The following TMCO4 variants were observed in gnomAD, a reference collection of about 807,000 sequenced individuals.
TMCO4 encodes transmembrane and coiled-coil domains 4, also known as transmembrane and coiled-coil domain-containing protein 4.
A neutral mutation model predicts 64.7 loss-of-function variants in TMCO4; 58 were observed. The ratio of observed to expected loss-of-function variants is 0.90; its 90% CI spans 0.73 to 1.12. TMCO4 has a LOEUF of 1.12. Among genes scored for constraint, TMCO4 ranks in the 50% most tolerant of loss-of-function variants. TMCO4 has a pLI of 0.00. For synonymous variants in TMCO4, 325 were observed against 346.1 expected (o/e 0.94, Z 0.68); for missense variants, 780 against 825.9 (o/e 0.94, Z 0.68).
At chr1:19,778,861 C>A (rs2043330207) in intron 4 of TMCO4, among the ~76,000 whole-genome samples, 1 of 152,114 alleles carries the variant, frequency 6.6e-6, no homozygotes. Flanking sequence ...CAAGGTAGCC[C>A]CTGCCCTCCC....
chr1:19,794,652 T>C (rs181283314), intron 2 of TMCO4, among the ~76,000 whole-genome samples: 1 of 152,300 alleles, frequency 6.6e-6, no homozygotes, highest in East Asian at 1.9e-4. Context: ...TCTGGGTATA[T>C]ATGCAAAATA....
intron 13 of TMCO4, among the ~76,000 whole-genome samples, chr1:19,704,273 G>GA (rs2095290640): frequency 1.3e-5 from 2 of 152,222 alleles, no homozygotes; most frequent in African/African-American, 4.8e-5. Flanking sequence ...GAATAGCAAG[G>GA]ATGGCTCAGA....
chr1:19,796,780 G>C (rs750602490), intron 2 of TMCO4, among the ~76,000 whole-genome samples: 1 of 152,068 alleles, frequency 6.6e-6, no homozygotes, highest in Non-Finnish European at 1.5e-5. Context: ...TCACCATGTT[G>C]GCCAGGATGG....
At chr1:19,788,182 A>G (rs920373876) in intron 2 of TMCO4, among the ~76,000 whole-genome samples, 2 of 152,214 alleles carry the variant, frequency 1.3e-5, no homozygotes, top group African/African-American at 4.8e-5. Context: ...CCAGCATGAG[A>G]ATGTACCTGT....
chr1:19,684,711 C>T (rs932502324), intron 15 of TMCO4, among the ~76,000 whole-genome samples: 3 of 152,182 alleles, frequency 2.0e-5, no homozygotes, highest in Non-Finnish European at 1.5e-5. Context: ...GGCACACTCC[C>T]CAGGCTTCCT....
chr1:19,704,641 C>A (rs973814772), intron 13 of TMCO4, among the ~76,000 whole-genome samples: 8 of 152,360 alleles, frequency 5.3e-5, no homozygotes, highest in African/African-American at 1.9e-4. Context: ...GCCTTCTCTG[C>A]CTGGCAGAGT....
intron 13 of TMCO4, 198 bp from the exon 14 acceptor site, chr1:19,701,083 T>C: frequency 3.9e-6 from 2 of 516,116 alleles, no homozygotes; most frequent in East Asian, 6.7e-5. Context: ...GGCTTCTACC[T>C]ACTGAGTTCC....
chr1:19,769,333 C>T (rs930649378), intron 6 of TMCO4, among the ~76,000 whole-genome samples: 1 of 152,192 alleles, frequency 6.6e-6, no homozygotes, highest in Non-Finnish European at 1.5e-5. Context: ...CCTCTCTCTG[C>T]TCTCCTTGCT....
intron 5 of TMCO4, among the ~76,000 whole-genome samples, chr1:19,770,951 G>A (rs1378933371): frequency 6.6e-6 from 1 of 152,156 alleles, no homozygotes; most frequent in Non-Finnish European, 1.5e-5. Flanking sequence ...AGACTACCAA[G>A]GTTCAAATCC....
intron 13 of TMCO4, among the ~76,000 whole-genome samples, chr1:19,706,565 GT>G (rs1310478888): frequency 3.3e-5 from 5 of 152,152 alleles, no homozygotes; most frequent in African/African-American, 1.2e-4. Context: ...CATGTAGAGC[GT>G]TTATGCTTGC....
intron 10 of TMCO4, among the ~76,000 whole-genome samples, chr1:19,741,695 G>T (rs1266443): frequency 6.6e-6 from 1 of 151,136 alleles, no homozygotes; most frequent in Admixed American, 6.6e-5. Flanking sequence ...TGGCCCCCAC[G>T]TATTTCTGCT....
intron 13 of TMCO4, among the ~76,000 whole-genome samples, chr1:19,719,915 C>T (rs1433490762): frequency 6.6e-6 from 1 of 152,020 alleles, no homozygotes; most frequent in African/African-American, 2.4e-5. Flanking sequence ...ATCGTTTGAA[C>T]CCAGGAGGTG....
At chr1:19,713,914 T>C (rs762888557) in intron 13 of TMCO4, among the ~76,000 whole-genome samples, 3 of 152,072 alleles carry the variant, frequency 2.0e-5, no homozygotes, top group Non-Finnish European at 4.4e-5. Context: ...GTTAATTTCT[T>C]CAAATCAATC....
intron 13 of TMCO4, chr1:19,701,140 G>A (rs566260067): frequency 3.1e-6 from 1 of 323,418 alleles, no homozygotes; most frequent in South Asian, 9.4e-5. Flanking sequence ...TCCTTCAAAG[G>A]ATCATTACAC....
At chr1:19,761,224 C>T (rs1267505377) in intron 6 of TMCO4, among the ~76,000 whole-genome samples, 1 of 152,198 alleles carries the variant, frequency 6.6e-6, no homozygotes, top group East Asian at 1.9e-4. Context: ...GCCACCCATT[C>T]CCCGCACCAT....
chr1:19,769,675 T>C (rs1357316670), intron 6 of TMCO4, among the ~76,000 whole-genome samples: 8 of 152,098 alleles, frequency 5.3e-5, no homozygotes, highest in East Asian at 1.9e-4. Flanking sequence ...AAGCCACTTA[T>C]GCAATAAGAG....
intron 10 of TMCO4, 113 bp downstream of exon 10, chr1:19,745,419 G>A: frequency 6.6e-7 from 1 of 1,509,396 alleles, no homozygotes; most frequent in Non-Finnish European, 8.9e-7. Context: ...TTCTTCCTCT[G>A]CGAAATGGGG....
chr1:19,795,143 G>A (rs941760069), intron 2 of TMCO4, among the ~76,000 whole-genome samples: 2 of 151,750 alleles, frequency 1.3e-5, no homozygotes, highest in Non-Finnish European at 2.9e-5. Flanking sequence ...TAAATTTCAT[G>A]GTATGTGTAT....
chr1:19,798,043 G>A, intron 2 of TMCO4, 94 bp downstream of exon 2: 3 of 179,790 alleles, frequency 1.7e-5, no homozygotes, highest in Non-Finnish European at 2.2e-5. Flanking sequence ...TGGGAAGCCA[G>A]AGCGGGGTTT....
Sources: allele counts gnomAD v4.1 joint callset (sites outside exome capture counted in the v4.1 genomes callset), GRCh38; gene constraint gnomAD v4.1.1; transcripts MANE v1.5; gene names NCBI Gene and HGNC (gene_info 2026-07-23, HGNC 2026-07-21).